MTUS2: variants seen among roughly 807,000 people sequenced by gnomAD.
MTUS2 encodes the protein microtubule associated scaffold protein 2.
MTUS2 carries 40 observed loss-of-function variants against 114.1 expected under a neutral mutation model. That is an observed-to-expected ratio of 0.35 (90% CI 0.27 to 0.46). MTUS2 has a LOEUF of 0.46. MTUS2 is among the 20% of genes least tolerant of loss of function. The pLI is 1.00. For missense variants in MTUS2, 1,679 were observed against 1,705.4 expected, an observed-to-expected ratio of 0.98 and a Z score of 0.27; for synonymous variants, 688 against 672.0, an observed-to-expected ratio of 1.02 and a Z score of -0.37.
At position 29,302,042 on chromosome 13, in the gene MTUS2, A is replaced by G. The variant is rs1045776691; in HGVS notation, c.2806+20177A>G. On this transcript the variant is annotated intron_variant, in intron 6 of 15. Coordinates refer to ENST00000612955, the MANE Select transcript of MTUS2 (RefSeq NM_001033602.4). ...CAAAGGCCCCACCTTCCATACCATC[A>G]CATTAGAAATTGGATTTCGGGGATG... Among the ~76,000 whole-genome samples the G allele has an allele frequency of 4.6e-5, 7 of 152,314 alleles. No individual in the cohort carries two copies. The East Asian group carries it at 1.4e-3, about 29-fold the overall frequency.
intron 2 of MTUS2, among the ~76,000 whole-genome samples, chr13:29,000,853 T>C (rs1389028640): frequency 6.6e-6 from 1 of 152,184 alleles, no homozygotes; most frequent in Non-Finnish European, 1.5e-5. Flanking sequence ...TGCATACCTC[T>C]GATAGCCTCC....
At chr13:29,405,449 A>G (rs1422815129) in intron 8 of MTUS2, among the ~76,000 whole-genome samples, 3 of 152,344 alleles carry the variant, frequency 2.0e-5, no homozygotes, top group East Asian at 1.9e-4. Flanking sequence ...ACAGTTTCTC[A>G]TTTATTGTAA....
intron 2 of MTUS2, among the ~76,000 whole-genome samples, chr13:28,914,122 C>G (rs986625028): frequency 5.3e-5 from 8 of 152,084 alleles, no homozygotes; most frequent in Admixed American, 2.0e-4. Context: ...CAGTTCCACT[C>G]TGATCTTGGT....
chr13:29,181,140 T>C (rs899733369), intron 5 of MTUS2, among the ~76,000 whole-genome samples: 1 of 152,010 alleles, frequency 6.6e-6, no homozygotes, highest in African/African-American at 2.4e-5. Context: ...TGGGTGATGC[T>C]GTGAAACCAC....
At chr13:29,106,477 GC>G (rs1181686785) in intron 5 of MTUS2, among the ~76,000 whole-genome samples, 2 of 152,098 alleles carry the variant, frequency 1.3e-5, no homozygotes, top group Admixed American at 1.3e-4. Context: ...CTCTGCCTCA[GC>G]CTCCTGAGTA....
chr13:29,449,648 C>T (rs981586686), intron 9 of MTUS2, among the ~76,000 whole-genome samples: 1 of 150,160 alleles, frequency 6.7e-6, no homozygotes, highest in Non-Finnish European at 1.5e-5. Context: ...AGCATTCGCA[C>T]CCTGACCACC....
intron 2 of MTUS2, among the ~76,000 whole-genome samples, chr13:28,910,546 A>G (rs553141179): frequency 7.3e-5 from 11 of 150,432 alleles, no homozygotes; most frequent in African/African-American, 2.7e-4. Flanking sequence ...TCCTCCCCCC[A>G]GCCCCCCAGC....
intron 2 of MTUS2, among the ~76,000 whole-genome samples, chr13:28,993,416 C>T (rs931452733): frequency 2.0e-5 from 3 of 152,126 alleles, no homozygotes; most frequent in African/African-American, 7.2e-5. Context: ...TTTTGTTATT[C>T]TCCTGTGCAT....
At chr13:29,028,459 A>T (rs1886665641) in intron 3 of MTUS2, among the ~76,000 whole-genome samples, 1 of 151,880 alleles carries the variant, frequency 6.6e-6, no homozygotes, top group Non-Finnish European at 1.5e-5. Context: ...TTAGGATGGG[A>T]TGTGCTCACT....
At chr13:29,347,836 T>A (rs4299003) in intron 7 of MTUS2, among the ~76,000 whole-genome samples, 110,651 of 151,728 alleles carry the variant, frequency 0.73, 44,427 homozygotes, top group East Asian at 0.9. Context: ...TAATTTATTA[T>A]AACAGCTCAC....
chr13:29,223,460 G>A (rs756661590), intron 5 of MTUS2, among the ~76,000 whole-genome samples: 8 of 152,256 alleles, frequency 5.3e-5, no homozygotes, highest in Admixed American at 2.0e-4. Context: ...CAACCTGCCC[G>A]TGGACATGAG....
At chr13:28,871,986 G>A (rs1877646873) in intron 2 of MTUS2, among the ~76,000 whole-genome samples, 1 of 152,194 alleles carries the variant, frequency 6.6e-6, no homozygotes, top group Non-Finnish European at 1.5e-5. Context: ...AGATCACAAT[G>A]GCTTGGGACC....
At chr13:29,233,961 AAG>A (rs1295559347) in intron 5 of MTUS2, among the ~76,000 whole-genome samples, 22 of 152,220 alleles carry the variant, frequency 1.4e-4, no homozygotes, top group Non-Finnish European at 2.6e-4. Context: ...TGCTTCTCAA[AAG>A]AGAAGCTACG....
At chr13:28,945,179 T>TTATATATATATATA (rs33929048) in intron 2 of MTUS2, among the ~76,000 whole-genome samples, 1 of 147,246 alleles carries the variant, frequency 6.8e-6, no homozygotes, top group East Asian at 2.0e-4. Context: ...TAGTATTCCA[T>TTATATATATATATA]TATATATATA....
chr13:29,298,558 G>A (rs1335659), intron 6 of MTUS2, among the ~76,000 whole-genome samples: 20 of 152,036 alleles, frequency 1.3e-4, no homozygotes, highest in South Asian at 8.3e-4. Flanking sequence ...CCCTGCCTTC[G>A]TCCAGTCCTC....
At chr13:29,283,723 C>T (rs1251909426) in intron 6 of MTUS2, among the ~76,000 whole-genome samples, 2 of 152,150 alleles carry the variant, frequency 1.3e-5, no homozygotes, top group East Asian at 3.9e-4. Context: ...CTAGGGATTA[C>T]ACTTTGTGAG....
chr13:29,382,300 T>C (rs946680383), intron 8 of MTUS2, among the ~76,000 whole-genome samples: 4 of 152,138 alleles, frequency 2.6e-5, no homozygotes, highest in Admixed American at 2.6e-4. Flanking sequence ...CTGAGAAGAC[T>C]CACACTTGGG....
Position 29,202,171 on chromosome 13 carries a change from A to C in MTUS2, c.2645-79533A>C, listed in dbSNP as rs559073318. Among the ~76,000 whole-genome samples, 190 of 151,270 alleles carry C rather than the reference A, an allele frequency of 1.3e-3. 1 individual carries two copies. The highest frequency in any genetic ancestry group is 2.2e-3 in the Non-Finnish European group (152 of 67,728). The stretch of plus-strand genomic sequence containing the variant: ...AAACATTGGTTTGGTCTTTTCACAT[A>C]GTCCCATATTTCTTGGTGGCTTTGT... On this transcript the variant is annotated intron_variant, in intron 5 of 15. Transcript: ENST00000612955.
chr13:29,201,394 C>A (rs1051806460), intron 5 of MTUS2, among the ~76,000 whole-genome samples: 1 of 151,486 alleles, frequency 6.6e-6, no homozygotes, highest in Non-Finnish European at 1.5e-5. Flanking sequence ...TGTTTTGAGC[C>A]TGTGTGTGTC....
Sources: allele counts gnomAD v4.1 joint callset (sites outside exome capture counted in the v4.1 genomes callset), GRCh38; gene constraint gnomAD v4.1.1; transcripts MANE v1.5; gene names NCBI Gene and HGNC (gene_info 2026-07-23, HGNC 2026-07-21).